The following CNTNAP4 variants were observed in gnomAD, a reference collection of about 807,000 sequenced individuals.
The protein encoded by CNTNAP4 is contactin associated protein family member 4.
In CNTNAP4, 98 loss-of-function variants were observed where a neutral mutation model predicts 148.4. The ratio of observed to expected loss-of-function variants is 0.66; its 90% CI spans 0.56 to 0.78. CNTNAP4 has a LOEUF of 0.78. CNTNAP4 is among the 30% of genes least tolerant of loss of function. CNTNAP4 has a pLI of 0.00. For synonymous variants in CNTNAP4, 730 were observed against 565.1 expected, an observed-to-expected ratio of 1.29 and a Z score of -4.14; for missense variants, 1,935 against 1,565.6, an observed-to-expected ratio of 1.24 and a Z score of -3.98.
At chr16:76,307,790 A>C (rs1320667535) in intron 1 of CNTNAP4, among the ~76,000 whole-genome samples, 1 of 152,144 alleles carries the variant, frequency 6.6e-6, no homozygotes, top group Non-Finnish European at 1.5e-5. Flanking sequence ...CTCTAAAATC[A>C]ATCAGCCCCT....
intron 10 of CNTNAP4, chr16:76,469,370 A>T (rs1352861927): frequency 1.3e-5 from 2 of 152,142 alleles, no homozygotes; most frequent in Admixed American, 6.5e-5. Flanking sequence ...GGAACCTAAA[A>T]CCTGATTTAG....
intron 1 of CNTNAP4, chr16:76,287,884 A>C (rs1471589383): frequency 6.6e-6 from 1 of 152,330 alleles, no homozygotes; most frequent in Non-Finnish European, 1.5e-5. Context: ...TTTGCCTTGC[A>C]GCTATATTTC....
At chr16:76,383,726 TTAAAGA>T (rs1400221292) in intron 3 of CNTNAP4, among the ~76,000 whole-genome samples, 1 of 152,214 alleles carries the variant, frequency 6.6e-6, no homozygotes, top group Non-Finnish European at 1.5e-5. Flanking sequence ...TTCTCATTCT[TTAAAGA>T]TACACTTTGA....
intron 3 of CNTNAP4, among the ~76,000 whole-genome samples, chr16:76,376,877 G>C (rs1377870468): frequency 6.7e-6 from 1 of 150,144 alleles, no homozygotes; most frequent in Non-Finnish European, 1.5e-5. Context: ...TATTAGTTAG[G>C]ATTCTCCAGA....
chr16:76,491,747 T>C (rs1257522454), intron 13 of CNTNAP4, among the ~76,000 whole-genome samples: 2 of 152,214 alleles, frequency 1.3e-5, no homozygotes, highest in Admixed American at 6.5e-5. Flanking sequence ...ATGCAGTATA[T>C]GTCTTTCAGT....
chr16:76,324,301 A>C (rs1235774342), intron 2 of CNTNAP4, among the ~76,000 whole-genome samples: 1 of 152,224 alleles, frequency 6.6e-6, no homozygotes, highest in Non-Finnish European at 1.5e-5. Flanking sequence ...ACTAATACAT[A>C]AACATTTCTT....
intron 1 of CNTNAP4, chr16:76,287,634 A>G (rs1958941435): frequency 6.6e-6 from 1 of 152,132 alleles, no homozygotes; most frequent in Non-Finnish European, 1.5e-5. Context: ...TTTCCTGGAT[A>G]TGAGGATGAT....
intron 17 of CNTNAP4, among the ~76,000 whole-genome samples, chr16:76,533,689 G>GTAA (rs2084087682): frequency 6.7e-6 from 1 of 148,940 alleles, no homozygotes; most frequent in African/African-American, 2.5e-5. Context: ...AAAAAAAAAT[G>GTAA]GCAGAAGTAA....
At chr16:76,289,370 A>G (rs960784402) in intron 1 of CNTNAP4, among the ~76,000 whole-genome samples, 2 of 152,098 alleles carry the variant, frequency 1.3e-5, no homozygotes, top group Non-Finnish European at 2.9e-5. Flanking sequence ...TTTTCTCTTT[A>G]AAGACTTTTC....
At chr16:76,312,702 A>G (rs1311919811) in intron 1 of CNTNAP4, among the ~76,000 whole-genome samples, 1 of 152,202 alleles carries the variant, frequency 6.6e-6, no homozygotes, top group African/African-American at 2.4e-5. Context: ...TAGTCATGGT[A>G]TTCTTACATA....
In CNTNAP4 at chr16:76,520,202, ACTC is replaced by A. The variant is rs147935080; in HGVS notation, c.2366-934_2366-932del. Among the ~76,000 whole-genome samples, 735 of 152,184 alleles carry A rather than the reference ACTC, an allele frequency of 4.8e-3. 6 individuals carry two copies. Among genetic ancestry groups the A allele is most frequent in the African/African-American group, 0.017 (714 of 41,522 alleles). ...ATACAGAGTTTGTTTCTCTGATTTT[ACTC>A]CTCATCAACCTCCTGTATCCAGTCG... On this transcript the variant is annotated intron_variant, in intron 15 of 23. Coordinates refer to ENST00000611870, the MANE Select transcript of CNTNAP4 (RefSeq NM_033401.5).
At chr16:76,430,061 G>A (rs989562854) in intron 4 of CNTNAP4, among the ~76,000 whole-genome samples, 2 of 152,116 alleles carry the variant, frequency 1.3e-5, no homozygotes, top group African/African-American at 4.8e-5. Flanking sequence ...TACCTTATGG[G>A]AATGTATTTG....
At chr16:76,516,689 T>G (rs1251778849) in intron 15 of CNTNAP4, among the ~76,000 whole-genome samples, 1 of 152,256 alleles carries the variant, frequency 6.6e-6, no homozygotes, top group Non-Finnish European at 1.5e-5. Flanking sequence ...TAAATTTTAA[T>G]ATATCCATAC....
chr16:76,509,108 C>A (rs936668163), intron 15 of CNTNAP4, among the ~76,000 whole-genome samples: 5 of 97,548 alleles, frequency 5.1e-5, no homozygotes, highest in African/African-American at 1.0e-4. Context: ...AAAAAAGACA[C>A]CAAGAATCAC....
chr16:76,424,609 A>C (rs181728415), intron 3 of CNTNAP4, among the ~76,000 whole-genome samples: 1 of 152,192 alleles, frequency 6.6e-6, no homozygotes, highest in Non-Finnish European at 1.5e-5. Flanking sequence ...CAGAAAAAAA[A>C]TTAGCCAGCC....
intron 3 of CNTNAP4, among the ~76,000 whole-genome samples, chr16:76,401,608 C>A (rs1443893156): frequency 6.6e-6 from 1 of 152,106 alleles, no homozygotes; most frequent in Non-Finnish European, 1.5e-5. Flanking sequence ...GAGGGGGCAT[C>A]CTTGTCTTGT....
chr16:76,470,497 A>ATATATATATATATATATATATATAT (rs398119511), intron 10 of CNTNAP4, among the ~76,000 whole-genome samples: 20 of 137,416 alleles, frequency 1.5e-4, no homozygotes, highest in African/African-American at 3.6e-4. Flanking sequence ...ATATATATAT[A>ATATATATATATATATATATATATAT]AAATTAGTCG....
intron 10 of CNTNAP4, among the ~76,000 whole-genome samples, chr16:76,470,915 A>G (rs1043630057): frequency 5.3e-5 from 8 of 152,182 alleles, no homozygotes; most frequent in South Asian, 4.2e-4. Flanking sequence ...ATGCTCATTC[A>G]CATAGTCCAA....
At chr16:76,544,791 T>A (rs9937657) in intron 21 of CNTNAP4, among the ~76,000 whole-genome samples, 4 of 152,152 alleles carry the variant, frequency 2.6e-5, no homozygotes, top group Non-Finnish European at 5.9e-5. Context: ...TTAGATACGG[T>A]GGTCCATAAT....
Sources: gnomAD v4.1 joint callset for allele counts (sites outside exome capture counted in the v4.1 genomes callset) on GRCh38, gnomAD v4.1.1 for gene constraint, MANE v1.5 for transcripts, NCBI Gene and HGNC (gene_info 2026-07-23, HGNC 2026-07-21) for gene names.